The following OPCML variants were observed in gnomAD, a reference collection of about 807,000 sequenced individuals.
The protein encoded by OPCML is opioid binding protein/cell adhesion molecule like.
Under a neutral mutation model 37.8 loss-of-function variants are expected in OPCML, and 13 were observed. That is an observed-to-expected ratio of 0.34 (90% CI 0.22 to 0.55). The LOEUF is 0.55. OPCML is among the 20% of genes least tolerant of loss of function. The pLI, the probability that OPCML is intolerant of heterozygous loss-of-function variation, is 0.91. For missense variants in OPCML, 341 were observed against 435.6 expected (o/e 0.78, Z 1.93); for synonymous variants, 176 against 168.8 (o/e 1.04, Z -0.33).
intron 1 of OPCML, among the ~76,000 whole-genome samples, chr11:133,313,839 C>T (rs150332542): frequency 6.6e-6 from 1 of 152,266 alleles, no homozygotes; most frequent in Admixed American, 6.5e-5. Flanking sequence ...TTGTTTTAAA[C>T]CACTCAGGTT....
intron 1 of OPCML, among the ~76,000 whole-genome samples, chr11:133,511,877 G>T (rs1252194220): frequency 6.6e-6 from 1 of 152,148 alleles, no homozygotes; most frequent in African/African-American, 2.4e-5. Context: ...CTAGAACAGT[G>T]CTTGACCCAT....
At chr11:132,773,645 G>C (rs1431260034) in intron 2 of OPCML, among the ~76,000 whole-genome samples, 1 of 152,138 alleles carries the variant, frequency 6.6e-6, no homozygotes, top group Non-Finnish European at 1.5e-5. Context: ...CCATATTCTA[G>C]AAGTTTCTTC....
In OPCML at chr11:132,419,147, T is replaced by G. The variant is rs2095948676; in HGVS notation, c.*1046A>C. 1 of 152,510 alleles carries G rather than the reference T, an allele frequency of 6.6e-6. No individual in the cohort carries two copies. Among genetic ancestry groups the G allele is most frequent in the South Asian group, 2.1e-4 (1 of 4,832 alleles). 9.4% of individuals were successfully genotyped at this position (152,510 alleles called of 1,614,324 possible). On this transcript the variant is annotated 3_prime_UTR_variant, in exon 8 of 8. Transcript: ENST00000524381. ...TGAAAGATAATTTTGAAGATGCCAA[T>G]GTCTGCTGATGGTGTATAAATGAAT...
Position 132,654,337 on chromosome 11 carries a change from T to C in OPCML, c.379+2750A>G, listed in dbSNP as rs187114069. On this transcript the variant is annotated intron_variant, in intron 3 of 7. Transcript: ENST00000524381. Reference sequence around the variant, plus strand: ...GAATGTCCTCCCGAAGAGAAGATCTTCCCAAAGAGAAGCTTCTCCCCAAGA... The same window carrying C: ...GAATGTCCTCCCGAAGAGAAGATCTCCCCAAAGAGAAGCTTCTCCCCAAGA... Among the ~76,000 whole-genome samples the C allele has an allele frequency of 3.6e-4, 55 of 152,284 alleles. 1 individual carries two copies. The highest frequency in any genetic ancestry group is 3.4e-3 in the Middle Eastern group (1 of 294).
At chr11:132,980,061 G>T (rs992960981) in intron 1 of OPCML, among the ~76,000 whole-genome samples, 1 of 152,164 alleles carries the variant, frequency 6.6e-6, no homozygotes, top group African/African-American at 2.4e-5. Context: ...GAGAGCAGAA[G>T]CCACACTATA....
At chr11:133,408,386 T>C (rs182715122) in intron 1 of OPCML, among the ~76,000 whole-genome samples, 1 of 152,374 alleles carries the variant, frequency 6.6e-6, no homozygotes, top group Non-Finnish European at 1.5e-5. Flanking sequence ...CACCAAGTTC[T>C]AAAACAAACT....
chr11:132,657,424 AAAC>A lies in OPCML; in HGVS notation c.147-108_147-106del, dbSNP rs1013126771. Reference sequence around the variant, plus strand: ...GACGTTGCATTTTGAGGAGTAAATGAAACAACAAAACACAGTGCTAAAAGGAAA... The same window carrying A: ...GACGTTGCATTTTGAGGAGTAAATGAAACAAAACACAGTGCTAAAAGGAAA... On this transcript the variant is annotated intron_variant, in intron 2 of 7. Transcript: ENST00000524381. 12 of 1,469,176 alleles carry A rather than the reference AAAC, an allele frequency of 8.2e-6. No individual in the cohort carries two copies. The Admixed American group carries it at 2.7e-4, about 33-fold the overall frequency. 91.0% of individuals were successfully genotyped at this position (1,469,176 alleles called of 1,614,324 possible). A position where few individuals can be genotyped will look rare whatever the true frequency, so the allele number is the denominator to read the frequency against.
At chr11:132,593,442 A>G (rs555652632) in intron 3 of OPCML, among the ~76,000 whole-genome samples, 2 of 152,354 alleles carry the variant, frequency 1.3e-5, no homozygotes, top group South Asian at 4.1e-4. Flanking sequence ...TTGTATTCCA[A>G]ACACAATTAG....
intron 3 of OPCML, among the ~76,000 whole-genome samples, chr11:132,572,968 A>G (rs1177687060): frequency 6.6e-6 from 1 of 151,792 alleles, no homozygotes; most frequent in Non-Finnish European, 1.5e-5. Context: ...TTTCACCTCT[A>G]TAGTTAAGTT....
chr11:132,503,414 G>A (rs1201548473), intron 4 of OPCML, among the ~76,000 whole-genome samples: 1 of 152,080 alleles, frequency 6.6e-6, no homozygotes, highest in Non-Finnish European at 1.5e-5. Flanking sequence ...GCATTGTCAG[G>A]CAGCATACAT....
chr11:133,510,808 C>A (rs1190500417), intron 1 of OPCML, among the ~76,000 whole-genome samples: 1 of 152,080 alleles, frequency 6.6e-6, no homozygotes, highest in Non-Finnish European at 1.5e-5. Context: ...GGACTCTCTT[C>A]TCTTCCCTTT....
At chr11:133,523,049 C>T (rs1591596922) in intron 1 of OPCML, among the ~76,000 whole-genome samples, 1 of 151,998 alleles carries the variant, frequency 6.6e-6, no homozygotes, top group South Asian at 2.1e-4. Flanking sequence ...TTCTAAAATG[C>T]CTGATTTCTT....
intron 1 of OPCML, among the ~76,000 whole-genome samples, chr11:133,136,113 T>G (rs1222478118): frequency 6.6e-6 from 1 of 152,208 alleles, no homozygotes; most frequent in Non-Finnish European, 1.5e-5. Context: ...TGCTCAGGGA[T>G]GTAGTGTTTG....
intron 1 of OPCML, among the ~76,000 whole-genome samples, chr11:133,437,039 C>A (rs545838287): frequency 6.6e-6 from 1 of 152,282 alleles, no homozygotes; most frequent in Non-Finnish European, 1.5e-5. Context: ...CACAGAAGCA[C>A]CTGCTTCATT....
At chr11:133,169,790 G>A (rs923247147) in intron 1 of OPCML, among the ~76,000 whole-genome samples, 2 of 152,206 alleles carry the variant, frequency 1.3e-5, no homozygotes, top group Non-Finnish European at 2.9e-5. Context: ...GGATTGAGAT[G>A]CATCTTCTTG....
intron 3 of OPCML, among the ~76,000 whole-genome samples, chr11:132,586,938 C>T (rs1402910464): frequency 6.6e-6 from 1 of 152,194 alleles, no homozygotes; most frequent in Non-Finnish European, 1.5e-5. Context: ...GAGCCCTCTG[C>T]AGGCTCTGGA....
chr11:132,819,405 A>G (rs1377112057), intron 2 of OPCML, among the ~76,000 whole-genome samples: 1 of 131,040 alleles, frequency 7.6e-6, no homozygotes, highest in East Asian at 2.5e-4. Context: ...ATGTATATAT[A>G]AATGAAGAAT....
intron 1 of OPCML, among the ~76,000 whole-genome samples, chr11:133,198,628 A>G (rs1455681752): frequency 6.6e-6 from 1 of 152,234 alleles, no homozygotes; most frequent in African/African-American, 2.4e-5. Flanking sequence ...GTGGACTCAC[A>G]TCTATTCTGT....
intron 1 of OPCML, among the ~76,000 whole-genome samples, chr11:133,384,324 C>T (rs1460754379): frequency 2.0e-5 from 3 of 151,658 alleles, no homozygotes; most frequent in Admixed American, 6.6e-5. Flanking sequence ...TCACCTCCCA[C>T]CCTCCACTCT....
Sources: allele counts gnomAD v4.1 joint callset (sites outside exome capture counted in the v4.1 genomes callset), GRCh38; gene constraint gnomAD v4.1.1; transcripts MANE v1.5; gene names NCBI Gene and HGNC (gene_info 2026-07-23, HGNC 2026-07-21).